ANKS1B: variants seen among roughly 807,000 people sequenced by gnomAD.
ANKS1B encodes the protein ankyrin repeat and sterile alpha motif domain-containing protein 1B.
Under a neutral mutation model 148.3 loss-of-function variants are expected in ANKS1B, and 36 were observed. The ratio of observed to expected loss-of-function variants is 0.24; its 90% CI spans 0.19 to 0.32. The LOEUF (loss-of-function observed/expected upper bound fraction) is 0.32, where lower values mean the gene tolerates loss of function less well. Ranked by LOEUF, ANKS1B falls within the 10% of genes least tolerant of loss-of-function variation. The pLI is 1.00. For missense variants in ANKS1B, 1,157 were observed against 1,542.6 expected (o/e 0.75, Z 4.19); for synonymous variants, 542 against 560.8 (o/e 0.97, Z 0.47).
intron 9 of ANKS1B, among the ~76,000 whole-genome samples, chr12:99,594,003 T>C (rs1163220767): frequency 6.6e-6 from 1 of 152,070 alleles, no homozygotes; most frequent in Non-Finnish European, 1.5e-5. Context: ...CACACAGTCT[T>C]AGATGCTAGA....
chr12:99,558,898 T>C (rs991505767), intron 9 of ANKS1B, among the ~76,000 whole-genome samples: 7 of 152,134 alleles, frequency 4.6e-5, no homozygotes, highest in Non-Finnish European at 8.8e-5. Flanking sequence ...ACAACCTATC[T>C]AGGCAGCTCT....
At chr12:98,972,196 G>A (rs186883432) in intron 17 of ANKS1B, among the ~76,000 whole-genome samples, 219 of 152,142 alleles carry the variant, frequency 1.4e-3, no homozygotes, top group African/African-American at 3.5e-3. Flanking sequence ...TTTCACAGTC[G>A]TTATGAACAG....
At chr12:98,856,232 G>A (rs1220439335) in intron 17 of ANKS1B, among the ~76,000 whole-genome samples, 3 of 152,164 alleles carry the variant, frequency 2.0e-5, no homozygotes, top group Admixed American at 2.0e-4. Context: ...GTGTAGCTAT[G>A]AATAATCTGC....
chr12:99,688,139 T>C (rs770943020), intron 8 of ANKS1B, among the ~76,000 whole-genome samples: 1 of 152,190 alleles, frequency 6.6e-6, no homozygotes, highest in Non-Finnish European at 1.5e-5. Context: ...TATAAAACAT[T>C]CCCCACTCTG....
chr12:99,292,386 G>T (rs1024486142), intron 12 of ANKS1B, among the ~76,000 whole-genome samples: 1 of 149,490 alleles, frequency 6.7e-6, no homozygotes, highest in Non-Finnish European at 1.5e-5. Flanking sequence ...GCCAGGTGTG[G>T]TGGTGGGTGC....
intron 8 of ANKS1B, among the ~76,000 whole-genome samples, chr12:99,704,738 A>G (rs1032073504): frequency 6.6e-6 from 1 of 152,096 alleles, no homozygotes; most frequent in African/African-American, 2.4e-5. Context: ...GCTGTCTGGT[A>G]TAATAGTTCT....
In ANKS1B at chr12:99,714,354, T is replaced by C. The variant is rs1485095133; in HGVS notation, c.1128+58568A>G. 2.0e-5 allele frequency among the ~76,000 whole-genome samples: 3 copies of C among 152,238 alleles called. No homozygotes were observed. In the South Asian group the frequency reaches 6.2e-4, roughly 31 times the overall value. On this transcript the variant is annotated intron_variant, in intron 8 of 26. Transcript: ENST00000683438. ...ATCACCTGTGAAGCCCTTTTTGCTA[T>C]GTAGTCATACCTCATTTTATTGTGC...
intron 10 of ANKS1B, among the ~76,000 whole-genome samples, chr12:99,489,053 C>T (rs941340412): frequency 2.0e-5 from 3 of 151,948 alleles, no homozygotes; most frequent in African/African-American, 4.8e-5. Flanking sequence ...ACCAGTCTGA[C>T]CAACATGGTG....
chr12:99,057,580 C>G (rs1282276455), intron 16 of ANKS1B, among the ~76,000 whole-genome samples: 1 of 152,268 alleles, frequency 6.6e-6, no homozygotes, highest in East Asian at 1.9e-4. Flanking sequence ...TCACTCAAGT[C>G]GATTGAACTG....
chr12:99,445,037 T>C (rs1354942318), intron 10 of ANKS1B, among the ~76,000 whole-genome samples: 1 of 152,044 alleles, frequency 6.6e-6, no homozygotes, highest in Non-Finnish European at 1.5e-5. Context: ...TAGAATTACT[T>C]GGATGACTCA....
chr12:99,161,094 G>A (rs1054946071), intron 14 of ANKS1B, among the ~76,000 whole-genome samples: 4 of 152,220 alleles, frequency 2.6e-5, no homozygotes, highest in Non-Finnish European at 4.4e-5. Flanking sequence ...GATAGGAATA[G>A]CACTGAATCT....
intron 9 of ANKS1B, among the ~76,000 whole-genome samples, chr12:99,526,549 C>G (rs1050376516): frequency 6.6e-5 from 10 of 152,140 alleles, no homozygotes; most frequent in Admixed American, 2.0e-4. Flanking sequence ...CTAATCAGAT[C>G]TCACCAATAT....
chr12:98,803,774 G>T (rs559033360), intron 20 of ANKS1B, among the ~76,000 whole-genome samples: 3 of 152,178 alleles, frequency 2.0e-5, no homozygotes, highest in Non-Finnish European at 4.4e-5. Context: ...AGTACATTAA[G>T]CATGCAAATC....
intron 9 of ANKS1B, among the ~76,000 whole-genome samples, chr12:99,640,974 G>T (rs548790435): frequency 4.6e-5 from 7 of 152,144 alleles, no homozygotes; most frequent in Admixed American, 1.3e-4. Flanking sequence ...AGTATATAAA[G>T]CAGGAAGTTA....
intron 8 of ANKS1B, among the ~76,000 whole-genome samples, chr12:99,660,359 TTTTC>T (rs1217374682): frequency 7.0e-5 from 9 of 128,256 alleles, no homozygotes; most frequent in African/African-American, 2.3e-4. Flanking sequence ...TTCTTTTTCT[TTTTC>T]TTTTTTTTTT....
intron 17 of ANKS1B, among the ~76,000 whole-genome samples, chr12:98,951,270 G>C (rs1230033929): frequency 6.6e-6 from 1 of 152,166 alleles, no homozygotes; most frequent in Non-Finnish European, 1.5e-5. Context: ...ATGAGACATA[G>C]CGTGAAACTT....
intron 15 of ANKS1B, among the ~76,000 whole-genome samples, chr12:99,143,356 C>T (rs562008684): frequency 1.3e-5 from 2 of 152,190 alleles, no homozygotes; most frequent in South Asian, 2.1e-4. Flanking sequence ...TCTTCAGTTA[C>T]TATTTTAGAT....
intron 2 of ANKS1B, 133 bp downstream of exon 2, chr12:99,825,176 C>T (rs946010981): frequency 1.5e-6 from 1 of 682,160 alleles, no homozygotes; most frequent in Non-Finnish European, 2.6e-6. Context: ...TCAGTGTTGT[C>T]ACCTGGTCCC....
In ANKS1B at chr12:99,894,591, G is replaced by C. The variant is rs2093312827; in HGVS notation, c.135-69202C>G. On this transcript the variant is annotated intron_variant, in intron 1 of 26. Coordinates refer to ENST00000683438, the MANE Select transcript of ANKS1B (RefSeq NM_001352186.2). ...ACTTACAATTTTTCAACTTTAACTT[G>C]GTGCAAAAGTGAGAGGCCTTCAACA... Among the ~76,000 whole-genome samples, 2 of 149,284 alleles carry C rather than the reference G, an allele frequency of 1.3e-5. 1 individual carries two copies. The highest frequency in any genetic ancestry group is 3.0e-5 in the Non-Finnish European group (2 of 67,260).
Sources: allele counts gnomAD v4.1 joint callset (sites outside exome capture counted in the v4.1 genomes callset), GRCh38; gene constraint gnomAD v4.1.1; transcripts MANE v1.5; gene names NCBI Gene and HGNC (gene_info 2026-07-23, HGNC 2026-07-21).